Variants in SLC24A3 observed in about 807,000 individuals in gnomAD.
The protein encoded by SLC24A3 is sodium/potassium/calcium exchanger 3.
A neutral mutation model predicts 75.8 loss-of-function variants in SLC24A3; 28 were observed. That is an observed-to-expected ratio of 0.37 (90% CI 0.27 to 0.51). The LOEUF is 0.51. Among genes scored for constraint, SLC24A3 ranks in the 20% least tolerant of loss-of-function variants. The probability of loss-of-function intolerance (pLI) is 0.94; values close to 1 mark genes in which losing one functional copy is unlikely to be tolerated. For missense variants in SLC24A3, 663 were observed against 847.8 expected, an observed-to-expected ratio of 0.78 and a Z score of 2.71; for synonymous variants, 372 against 334.1, an observed-to-expected ratio of 1.11 and a Z score of -1.24.
chr20:19,336,808 C>G (rs1436961085), intron 2 of SLC24A3, among the ~76,000 whole-genome samples: 1 of 151,844 alleles, frequency 6.6e-6, no homozygotes, highest in African/African-American at 2.4e-5. Flanking sequence ...TATGCTTGTC[C>G]TCTCCTAGAC....
In SLC24A3 at chr20:19,434,890, G is replaced by A. The variant is rs914819731; in HGVS notation, c.272-80598G>A. 2.2e-4 allele frequency among the ~76,000 whole-genome samples: 33 copies of A among 152,096 alleles called. 1 individual carries two copies. Among genetic ancestry groups the A allele is most frequent in the Admixed American group, 2.1e-3 (32 of 15,274 alleles). ...CTTGCTGGCATCATACAGGGATTCT[G>A]TCTCTTACTTTTGTAAGCCACTTAA... On this transcript the variant is annotated intron_variant, in intron 2 of 16. Transcript: ENST00000328041.
chr20:19,312,379 A>G (rs1424543699), intron 2 of SLC24A3, among the ~76,000 whole-genome samples: 4 of 152,156 alleles, frequency 2.6e-5, no homozygotes, highest in Admixed American at 6.5e-5. Context: ...TAGCTTTTAT[A>G]TTTATATAGT....
chr20:19,686,854 G>A (rs898860801), intron 12 of SLC24A3, among the ~76,000 whole-genome samples: 1 of 152,100 alleles, frequency 6.6e-6, no homozygotes, highest in Non-Finnish European at 1.5e-5. Flanking sequence ...ATCATTACTT[G>A]TTAGTACATT....
intron 12 of SLC24A3, among the ~76,000 whole-genome samples, chr20:19,690,173 T>C (rs1019164406): frequency 6.6e-6 from 1 of 152,210 alleles, no homozygotes; most frequent in Non-Finnish European, 1.5e-5. Flanking sequence ...AAATATATGA[T>C]TCAGATAATG....
At chr20:19,341,239 G>A (rs1823463980) in intron 2 of SLC24A3, among the ~76,000 whole-genome samples, 1 of 152,214 alleles carries the variant, frequency 6.6e-6, no homozygotes, top group Non-Finnish European at 1.5e-5. Flanking sequence ...GCCTGGAGAG[G>A]TTAGCTTATT....
intron 3 of SLC24A3, among the ~76,000 whole-genome samples, chr20:19,562,688 C>A (rs1484643261): frequency 2.0e-5 from 3 of 152,210 alleles, no homozygotes; most frequent in African/African-American, 7.2e-5. Context: ...AAACCCCACA[C>A]AAGTGTGTTG....
chr20:19,471,301 C>T (rs1021621743), intron 2 of SLC24A3, among the ~76,000 whole-genome samples: 2 of 152,184 alleles, frequency 1.3e-5, no homozygotes, highest in Admixed American at 6.5e-5. Context: ...TTTGGTCAGT[C>T]CATGAATATG....
At chr20:19,342,609 T>C (rs971019768) in intron 2 of SLC24A3, among the ~76,000 whole-genome samples, 1 of 152,236 alleles carries the variant, frequency 6.6e-6, no homozygotes, top group East Asian at 1.9e-4. Flanking sequence ...TGGAAATGTA[T>C]GTACCAAATG....
intron 3 of SLC24A3, among the ~76,000 whole-genome samples, chr20:19,559,752 G>A (rs891964018): frequency 9.2e-5 from 14 of 151,976 alleles, no homozygotes; most frequent in African/African-American, 2.7e-4. Flanking sequence ...TAATAATTAT[G>A]AGAAATTTTG....
chr20:19,341,658 G>T (rs146056855), intron 2 of SLC24A3, among the ~76,000 whole-genome samples: 14 of 152,176 alleles, frequency 9.2e-5, no homozygotes, highest in Non-Finnish European at 1.9e-4. Flanking sequence ...ACCCAGGAAC[G>T]CTAATTTGGC....
At chr20:19,715,182 A>G (rs2033031982) in intron 15 of SLC24A3, among the ~76,000 whole-genome samples, 1 of 152,208 alleles carries the variant, frequency 6.6e-6, no homozygotes, top group South Asian at 2.1e-4. Flanking sequence ...ATTGACCAGA[A>G]CACAGGGGAT....
chr20:19,564,851 A>G (rs1228302510), intron 3 of SLC24A3, among the ~76,000 whole-genome samples: 3 of 152,178 alleles, frequency 2.0e-5, no homozygotes, highest in African/African-American at 7.2e-5. Context: ...CTTCCAGATA[A>G]TCCTACCATA....
At chr20:19,343,741 G>T (rs546559070) in intron 2 of SLC24A3, among the ~76,000 whole-genome samples, 27 of 152,286 alleles carry the variant, frequency 1.8e-4, no homozygotes, top group Non-Finnish European at 3.8e-4. Context: ...GGAGCAGAAA[G>T]AGGGACTGGA....
At chr20:19,330,622 A>G (rs1388682926) in intron 2 of SLC24A3, among the ~76,000 whole-genome samples, 1 of 152,236 alleles carries the variant, frequency 6.6e-6, no homozygotes, top group Non-Finnish European at 1.5e-5. Context: ...CTTTCAGTAG[A>G]ACACTGACTA....
intron 2 of SLC24A3, among the ~76,000 whole-genome samples, chr20:19,286,475 T>G (rs1052902588): frequency 5.9e-5 from 9 of 151,874 alleles, no homozygotes; most frequent in African/African-American, 2.2e-4. Context: ...TGGTTTAAAA[T>G]CAGAGGGCTG....
intron 15 of SLC24A3, among the ~76,000 whole-genome samples, chr20:19,700,612 A>G (rs1485775621): frequency 6.6e-6 from 1 of 152,242 alleles, no homozygotes; most frequent in Non-Finnish European, 1.5e-5. Flanking sequence ...TAATCCATAG[A>G]TAACTATTGT....
At chr20:19,374,199 C>G (rs988308036) in intron 2 of SLC24A3, among the ~76,000 whole-genome samples, 8 of 152,152 alleles carry the variant, frequency 5.3e-5, no homozygotes, top group African/African-American at 1.9e-4. Context: ...TTCCCAGTTC[C>G]TCTGCTTACC....
At chr20:19,505,070 A>G (rs771361362) in intron 2 of SLC24A3, among the ~76,000 whole-genome samples, 4 of 152,256 alleles carry the variant, frequency 2.6e-5, no homozygotes, top group Non-Finnish European at 4.4e-5. Context: ...TGCTAGGCCA[A>G]TAGTCTATGT....
intron 6 of SLC24A3, among the ~76,000 whole-genome samples, chr20:19,637,982 G>A (rs1014724288): frequency 1.3e-5 from 2 of 152,004 alleles, no homozygotes; most frequent in Non-Finnish European, 2.9e-5. Flanking sequence ...TTATTTACAT[G>A]TGCAGAACGT....
Sources: gnomAD v4.1 joint callset for allele counts (sites outside exome capture counted in the v4.1 genomes callset) on GRCh38, gnomAD v4.1.1 for gene constraint, MANE v1.5 for transcripts, NCBI Gene and HGNC (gene_info 2026-07-23, HGNC 2026-07-21) for gene names.